The following GFRAL variants were observed in gnomAD, a reference collection of about 807,000 sequenced individuals.
GFRAL encodes the protein GDNF family receptor alpha like, also known as GDNF family receptor alpha-like.
Under a neutral mutation model 45.4 loss-of-function variants are expected in GFRAL, and 36 were observed. That is an observed-to-expected ratio of 0.79 (90% CI 0.61 to 1.05). GFRAL has a LOEUF of 1.05. GFRAL is among the 50% of genes least tolerant of loss of function. The pLI, the probability that GFRAL is intolerant of heterozygous loss-of-function variation, is 0.00. For synonymous variants in GFRAL, 166 were observed against 154.1 expected, an observed-to-expected ratio of 1.08 and a Z score of -0.57; for missense variants, 507 against 467.5, an observed-to-expected ratio of 1.08 and a Z score of -0.78.
intron 3 of GFRAL, among the ~76,000 whole-genome samples, chr6:55,346,432 A>G (rs1333760646): frequency 6.6e-6 from 1 of 152,238 alleles, no homozygotes; most frequent in East Asian, 1.9e-4. Context: ...TCAGCAAACT[A>G]TCCCAAAGAC....
At chr6:55,399,504 G>C (rs1276366966) in intron 8 of GFRAL, 63 bp downstream of exon 8, 6 of 1,029,666 alleles carry the variant, frequency 5.8e-6, no homozygotes, top group African/African-American at 1.6e-5. Context: ...GTTAAAGCAT[G>C]TTGCACAATG....
chr6:55,331,174 G>T (rs143774265), intron 1 of GFRAL, among the ~76,000 whole-genome samples: 141 of 152,230 alleles, frequency 9.3e-4, no homozygotes, highest in Non-Finnish European at 1.8e-3. Flanking sequence ...TTTCTGCAGA[G>T]AATGTATAAA....
intron 6 of GFRAL, among the ~76,000 whole-genome samples, chr6:55,364,794 C>A (rs1768335771): frequency 2.0e-5 from 3 of 151,820 alleles, no homozygotes; most frequent in Admixed American, 2.0e-4. Context: ...TTCCATTGAT[C>A]TATATCTCTG....
chr6:55,395,159 A>G (rs1174270730), intron 6 of GFRAL, among the ~76,000 whole-genome samples: 1 of 84,862 alleles, frequency 1.2e-5, no homozygotes, highest in Non-Finnish European at 2.4e-5. Context: ...CAATCAGCCT[A>G]TGGAAAAAAA....
intron 6 of GFRAL, among the ~76,000 whole-genome samples, chr6:55,372,680 G>A (rs909530862): frequency 6.6e-6 from 1 of 152,090 alleles, no homozygotes; most frequent in South Asian, 2.1e-4. Context: ...CACACTCATG[G>A]TCCACTGGCC....
At chr6:55,376,499 T>C (rs1456035793) in intron 6 of GFRAL, among the ~76,000 whole-genome samples, 2 of 152,082 alleles carry the variant, frequency 1.3e-5, no homozygotes, top group African/African-American at 4.8e-5. Context: ...TGGTAGGCTA[T>C]TTATTACTGC....
At chr6:55,376,607 T>C (rs1768538326) in intron 6 of GFRAL, among the ~76,000 whole-genome samples, 1 of 152,052 alleles carries the variant, frequency 6.6e-6, no homozygotes, top group Non-Finnish European at 1.5e-5. Context: ...GTCTATTTCT[T>C]CTGGATTTTC....
intron 3 of GFRAL, among the ~76,000 whole-genome samples, chr6:55,338,505 C>T (rs1332884007): frequency 2.0e-5 from 3 of 152,026 alleles, no homozygotes; most frequent in Non-Finnish European, 4.4e-5. Flanking sequence ...ATTCTCAATT[C>T]TTAATTAAAA....
At chr6:55,374,744 T>C (rs1356350039) in intron 6 of GFRAL, among the ~76,000 whole-genome samples, 1 of 152,174 alleles carries the variant, frequency 6.6e-6, no homozygotes, top group African/African-American at 2.4e-5. Context: ...TCTTCTAGGA[T>C]TTTCATAGTT....
At chr6:55,348,933 T>C (rs11752897) in intron 3 of GFRAL, among the ~76,000 whole-genome samples, 1 of 152,118 alleles carries the variant, frequency 6.6e-6, no homozygotes, top group South Asian at 2.1e-4. Context: ...CATAAAAGAA[T>C]GTCCAGCCTA....
intron 6 of GFRAL, among the ~76,000 whole-genome samples, chr6:55,374,090 T>A (rs909193771): frequency 4.6e-5 from 7 of 152,224 alleles, no homozygotes; most frequent in African/African-American, 1.7e-4. Context: ...CATTCCTTTT[T>A]ATGGCTGCAT....
At chr6:55,367,722 A>C (rs1489114911) in intron 6 of GFRAL, among the ~76,000 whole-genome samples, 1 of 150,390 alleles carries the variant, frequency 6.6e-6, no homozygotes, top group Non-Finnish European at 1.5e-5. Context: ...GCTGGATATG[A>C]AATTCTGGGT....
At chr6:55,355,554 T>G (rs1416783514) in intron 5 of GFRAL, among the ~76,000 whole-genome samples, 1 of 152,074 alleles carries the variant, frequency 6.6e-6, no homozygotes, top group Non-Finnish European at 1.5e-5. Context: ...GAAATGCTAC[T>G]GATTTTTGTA....
chr6:55,336,358 G>C (rs1023143412), intron 3 of GFRAL, among the ~76,000 whole-genome samples: 1 of 152,148 alleles, frequency 6.6e-6, no homozygotes, highest in Non-Finnish European at 1.5e-5. Context: ...ACTATGTCGA[G>C]TGTTCAGATT....
intron 6 of GFRAL, among the ~76,000 whole-genome samples, chr6:55,373,860 C>A (rs1159062856): frequency 1.3e-5 from 2 of 151,958 alleles, no homozygotes; most frequent in African/African-American, 4.8e-5. Context: ...AGGTATTAAG[C>A]CCAGCATCCA....
chr6:55,389,736 A>G (rs754269514), intron 6 of GFRAL, among the ~76,000 whole-genome samples: 1 of 152,112 alleles, frequency 6.6e-6, no homozygotes, highest in African/African-American at 2.4e-5. Flanking sequence ...TCTATTATCT[A>G]TGTTTACTAG....
chr6:55,336,068 C>T (rs1767887353), intron 3 of GFRAL, among the ~76,000 whole-genome samples: 1 of 152,108 alleles, frequency 6.6e-6, no homozygotes, highest in Non-Finnish European at 1.5e-5. Flanking sequence ...CCAAAGCCTC[C>T]CAAGTAGTTG....
intron 1 of GFRAL, among the ~76,000 whole-genome samples, chr6:55,329,301 G>A (rs1360445648): frequency 6.6e-6 from 1 of 151,906 alleles, no homozygotes; most frequent in African/African-American, 2.4e-5. Context: ...CTGAAAATGT[G>A]AAAGGAAGTA....
intron 3 of GFRAL, among the ~76,000 whole-genome samples, chr6:55,347,316 A>G (rs1359641599): frequency 1.3e-5 from 2 of 152,178 alleles, no homozygotes; most frequent in East Asian, 3.9e-4. Context: ...ACTTCATGTC[A>G]ATGTCAGGTC....
Sources: gnomAD v4.1 joint callset for allele counts (sites outside exome capture counted in the v4.1 genomes callset) on GRCh38, gnomAD v4.1.1 for gene constraint, MANE v1.5 for transcripts, NCBI Gene and HGNC (gene_info 2026-07-23, HGNC 2026-07-21) for gene names.